The following DISC1 variants were observed in gnomAD, a reference collection of about 807,000 sequenced individuals.
DISC1 encodes disrupted in schizophrenia 1 protein.
Under a neutral mutation model 84.5 loss-of-function variants are expected in DISC1, and 57 were observed. The observed-to-expected ratio is 0.67, with a 90% CI of 0.55 to 0.84. The LOEUF (loss-of-function observed/expected upper bound fraction) is 0.84, where lower values mean the gene tolerates loss of function less well. DISC1 is among the 40% of genes least tolerant of loss of function. The pLI is 0.00. For missense variants in DISC1, 1,000 were observed against 1,057.8 expected (o/e 0.95, Z 0.76); for synonymous variants, 411 against 415.2 (o/e 0.99, Z 0.12).
chr1:231,702,101 T>G, intron 3 of DISC1, 77 bp downstream of exon 3: 1 of 1,537,406 alleles, frequency 6.5e-7, no homozygotes, highest in African/African-American at 1.4e-5. Context: ...TATCTACCTT[T>G]TGAATCCCAA....
chr1:231,772,072 C>CT (rs888489894), intron 6 of DISC1, among the ~76,000 whole-genome samples: 13 of 151,912 alleles, frequency 8.6e-5, no homozygotes, highest in African/African-American at 3.1e-4. Flanking sequence ...GCCTCAGCCT[C>CT]TGGAGGAGCT....
chr1:231,674,341 A>T (rs774103224), intron 1 of DISC1, among the ~76,000 whole-genome samples: 17 of 152,262 alleles, frequency 1.1e-4, no homozygotes, highest in African/African-American at 4.1e-4. Context: ...GAGGAAGAGT[A>T]ATGGGAATTG....
At chr1:231,984,380 G>T (rs904858877) in intron 10 of DISC1, among the ~76,000 whole-genome samples, 7 of 152,080 alleles carry the variant, frequency 4.6e-5, no homozygotes, top group African/African-American at 1.7e-4. Flanking sequence ...TGGATTTCAG[G>T]CTTCTTCAGC....
intron 10 of DISC1, among the ~76,000 whole-genome samples, chr1:232,006,672 T>C (rs1411714222): frequency 1.3e-5 from 2 of 152,134 alleles, no homozygotes; most frequent in South Asian, 2.1e-4. Context: ...TTTTAGAAAA[T>C]TCACAGCCTG....
At chr1:231,648,943 C>T (rs1439677408) in intron 1 of DISC1, among the ~76,000 whole-genome samples, 3 of 152,016 alleles carry the variant, frequency 2.0e-5, no homozygotes, top group Non-Finnish European at 4.4e-5. Context: ...TTTTATTCTT[C>T]TCTCTTTTCT....
intron 4 of DISC1, chr1:231,750,481 A>G: frequency 1.0e-6 from 1 of 1,000,696 alleles, no homozygotes; most frequent in East Asian, 1.1e-4. Flanking sequence ...TCCTCCTCCT[A>G]ACTCTGCCCT....
At chr1:231,752,813 C>T (rs746855813) in intron 4 of DISC1, among the ~76,000 whole-genome samples, 5 of 152,218 alleles carry the variant, frequency 3.3e-5, no homozygotes, top group Non-Finnish European at 7.3e-5. Context: ...TGGGTTAATA[C>T]TCCTGTTCCA....
In DISC1 at chr1:231,970,860, G is replaced by A. The variant is rs144934198; in HGVS notation, c.2042+11972G>A. 9.8e-3 allele frequency among the ~76,000 whole-genome samples: 1,497 copies of A among 152,282 alleles called. 19 individuals are homozygous for A. The highest frequency in any genetic ancestry group is 0.017 in the Middle Eastern group (5 of 294). On this transcript the variant is annotated intron_variant, in intron 10 of 12. Coordinates refer to ENST00000439617, the MANE Select transcript of DISC1 (RefSeq NM_018662.3). ...GGTCTGAGACTTGGCAAGGTGCCCA[G>A]TGACTGAGAAAAGAGGGTTCCTCTT...
intron 11 of DISC1, among the ~76,000 whole-genome samples, chr1:232,023,343 C>T (rs900689256): frequency 3.9e-5 from 6 of 152,154 alleles, no homozygotes; most frequent in African/African-American, 1.4e-4. Flanking sequence ...TTCCTCTTTC[C>T]TATACTTTTA....
At chr1:231,747,322 T>A (rs1454599604) in intron 3 of DISC1, among the ~76,000 whole-genome samples, 1 of 152,190 alleles carries the variant, frequency 6.6e-6, no homozygotes, top group Non-Finnish European at 1.5e-5. Context: ...GCTTTTAAAA[T>A]CTTATTCATA....
intron 11 of DISC1, among the ~76,000 whole-genome samples, chr1:232,022,495 A>G (rs959915421): frequency 2.6e-5 from 4 of 152,156 alleles, no homozygotes; most frequent in Non-Finnish European, 1.5e-5. Context: ...ATTAGCAGAG[A>G]CAGGGTTTTA....
rs142434478 is a variant in DISC1 at position 231,839,691 on chromosome 1, A to C, written c.1981+21174A>C. ...CTGAGACAGGGTAATTTGTAAAGAA[A>C]ATAAGTTTATTTGGCTTATAGTTCT... is the stretch of plus-strand genomic sequence containing the variant. On this transcript the variant is annotated intron_variant, in intron 9 of 12. Transcript: ENST00000439617. Among the ~76,000 whole-genome samples the C allele has an allele frequency of 2.5e-3, 386 of 152,340 alleles. 1 individual carries two copies. The highest frequency in any genetic ancestry group is 8.9e-3 in the African/African-American group (370 of 41,576).
At chr1:231,977,098 A>G (rs1437210917) in intron 10 of DISC1, among the ~76,000 whole-genome samples, 4 of 152,202 alleles carry the variant, frequency 2.6e-5, no homozygotes, top group Admixed American at 1.3e-4. Context: ...TTCCAAACAT[A>G]TACAAAACTA....
At chr1:231,857,404 A>G (rs2084345801) in intron 9 of DISC1, among the ~76,000 whole-genome samples, 2 of 152,238 alleles carry the variant, frequency 1.3e-5, no homozygotes, top group Admixed American at 1.3e-4. Flanking sequence ...ATAATTGATT[A>G]TCTGGATAAG....
chr1:232,011,200 A>C (rs1468110560), intron 11 of DISC1, among the ~76,000 whole-genome samples: 1 of 152,184 alleles, frequency 6.6e-6, no homozygotes, highest in Non-Finnish European at 1.5e-5. Flanking sequence ...CTATCTGGCT[A>C]TAAGAACACA....
chr1:231,729,796 G>A (rs571756705), intron 3 of DISC1, among the ~76,000 whole-genome samples: 14 of 149,118 alleles, frequency 9.4e-5, no homozygotes, highest in Non-Finnish European at 1.8e-4. Flanking sequence ...CATGTCATTA[G>A]CCAGAGACCA....
chr1:231,989,457 T>C (rs1664893815), intron 10 of DISC1, among the ~76,000 whole-genome samples: 1 of 152,146 alleles, frequency 6.6e-6, no homozygotes, highest in South Asian at 2.1e-4. Flanking sequence ...CCTTGAAGAG[T>C]CCTTGCTCTG....
At chr1:231,987,157 AAAT>A (rs1212647159) in intron 10 of DISC1, among the ~76,000 whole-genome samples, 1 of 152,198 alleles carries the variant, frequency 6.6e-6, no homozygotes, top group Non-Finnish European at 1.5e-5. Flanking sequence ...TGAAAGAAGA[AAAT>A]AATTTTATTG....
chr1:231,745,514 G>A (rs979075590), intron 3 of DISC1: 5 of 208,900 alleles, frequency 2.4e-5, no homozygotes, highest in South Asian at 5.4e-5. Flanking sequence ...GAGCCACCGC[G>A]CTCAGCCTAA....
Sources: gnomAD v4.1 joint callset for allele counts (sites outside exome capture counted in the v4.1 genomes callset) on GRCh38, gnomAD v4.1.1 for gene constraint, MANE v1.5 for transcripts, NCBI Gene and HGNC (gene_info 2026-07-23, HGNC 2026-07-21) for gene names.